Variants in FAM174C observed in about 807,000 individuals in gnomAD.
FAM174C encodes the protein family with sequence similarity 174 member C, also known as protein FAM174C.
A neutral mutation model predicts 12.3 loss-of-function variants in FAM174C; 19 were observed. The observed-to-expected ratio is 1.55, with a 90% CI of 1.08 to 2.27. The LOEUF (loss-of-function observed/expected upper bound fraction) is 2.27, where lower values mean the gene tolerates loss of function less well. Among genes scored for constraint, FAM174C ranks in the 30% most tolerant of loss-of-function variants. The pLI, the probability that FAM174C is intolerant of heterozygous loss-of-function variation, is 0.00. For missense variants in FAM174C, 239 were observed against 190.2 expected (o/e 1.26, Z -1.51); for synonymous variants, 147 against 103.5 (o/e 1.42, Z -2.55).
chr19:1,277,249 CT>C lies in FAM174C; in HGVS notation c.349del (p.Ser117ArgfsTer15). On this transcript the variant is annotated frameshift_variant, in exon 2 of 3. Coordinates refer to ENST00000409293, the MANE Select transcript of FAM174C (RefSeq NM_017914.4). LOFTEE classifies it high-confidence loss of function. ...ACACTGAGGACCCCACGGAGATGGCCTCGCTGGACAGCGACGAGGAGACGGT... is the reference window on the plus strand; with the variant it reads ...ACACTGAGGACCCCACGGAGATGGCCCGCTGGACAGCGACGAGGAGACGGT... ...ANTEDPTEMASLDSDEETVFE... is the reference protein window; with the variant it reads ...ANTEDPTEMAXLDSDEETVFE... 1 of 1,549,724 alleles carries C rather than the reference CT, an allele frequency of 6.5e-7. No individual in the cohort carries two copies.
At position 1,277,251 on chromosome 19, in the gene FAM174C, C is replaced by T. The variant is rs777089956; in HGVS notation, c.350C>T (p.Ser117Leu). ...ANTEDPTEMA[S>L]LDSDEETVFE... ...ACTGAGGACCCCACGGAGATGGCCT[C>T]GCTGGACAGCGACGAGGAGACGGTG... Residue 117 changes from serine to leucine, a missense_variant, in exon 2 of 3, where the codon TCG (serine) becomes TTG (leucine). Physicochemically the swap from Ser to Leu is moderately radical, Grantham distance 145. Transcript: ENST00000409293. 31 of 1,549,512 alleles carry T rather than the reference C, an allele frequency of 2.0e-5. No homozygotes were observed. Among genetic ancestry groups the T allele is most frequent in the Admixed American group, 3.9e-5 (2 of 50,964 alleles).
At chr19:1,278,556 C>G (rs937599197) in intron 2 of FAM174C, among the ~76,000 whole-genome samples, 2 of 152,064 alleles carry the variant, frequency 1.3e-5, no homozygotes, top group Non-Finnish European at 2.9e-5. Flanking sequence ...GGGAACCCCT[C>G]CCAGGTTTCT....
Position 1,278,542 on chromosome 19 carries a change from T to C in FAM174C, c.*-235T>C, listed in dbSNP as rs980784719. On this transcript the variant is annotated intron_variant, in intron 2 of 2. Coordinates refer to ENST00000409293, the MANE Select transcript of FAM174C (RefSeq NM_017914.4). ...GATCCCTCCGCATGCTCTGACTCCA[T>C]TCTGGGAACCCCTCCCAGGTTTCTT... Among the ~76,000 whole-genome samples the C allele has an allele frequency of 6.6e-5, 10 of 152,154 alleles. No individual in the cohort carries two copies. The East Asian group carries it at 1.7e-3, about 26-fold the overall frequency.
rs928411256 is a variant in FAM174C at position 1,275,828 on chromosome 19, T to G, written c.279T>G (p.Phe93Leu). 13 of 1,536,284 alleles carry G rather than the reference T, an allele frequency of 8.5e-6. No homozygotes were observed. The African/African-American group carries it at 1.6e-4, about 19-fold the overall frequency. ...CGCTCTACTTCCTGATCCGGGCGTT[T>G]AGGTGCGTCAGGCGCACGTGGGCGC... Reference protein sequence around the residue: ...LTALYFLIRAFRLKKPQRRRY... With the variant: ...LTALYFLIRALRLKKPQRRRY... The change falls in exon 1 of 3, where the codon TTT (phenylalanine) becomes TTG (leucine). Residue 93 changes from phenylalanine to leucine, a missense_variant and splice_region_variant. Transcript: ENST00000409293.
In FAM174C at chr19:1,277,168, T is replaced by G. The variant is rs780887692; in HGVS notation, c.282-15T>G. ...GCGGGGAGGGGCCACTGACTATGCC[T>G]GGACCTACTTCCAGGTTGAAGAAGC... On this transcript the variant is annotated splice_polypyrimidine_tract_variant and intron_variant, in intron 1 of 2. Transcript: ENST00000409293. 10 of 1,534,918 alleles carry G rather than the reference T, an allele frequency of 6.5e-6. No individual in the cohort carries two copies. The African/African-American group carries it at 1.1e-4, about 17-fold the overall frequency.
chr19:1,276,977 G>T, intron 1 of FAM174C: 1 of 710,846 alleles, frequency 1.4e-6, no homozygotes. Flanking sequence ...GGCCTGGTAG[G>T]GCACATGTCT....
chr19:1,277,622 C>T (rs1462599145), intron 2 of FAM174C, among the ~76,000 whole-genome samples: 1 of 152,150 alleles, frequency 6.6e-6, no homozygotes, highest in African/African-American at 2.4e-5. Flanking sequence ...AGGCACCCGC[C>T]ACCACGCCTC....
At chr19:1,276,989 C>T (rs1052305905) in intron 1 of FAM174C, 194 bp from the exon 2 acceptor site, 3 of 865,326 alleles carry the variant, frequency 3.5e-6, no homozygotes, top group Middle Eastern at 3.5e-4. Flanking sequence ...CACATGTCTT[C>T]TTACTGTCAT....
chr19:1,275,660 C>T lies in FAM174C; in HGVS notation c.111C>T (p.Val37=). 7.0e-7 allele frequency: 1 copy of T among 1,426,646 alleles called. No individual in the cohort carries two copies. The highest frequency in any genetic ancestry group is 3.1e-5 in the Admixed American group (1 of 31,802). The allele number at this position is 1,426,646 out of a possible 1,614,324, so 88.4% of individuals were successfully genotyped here. The part of the protein sequence containing the change: ...EEASPLRPAQ[V]TLSPPPAVTN... ...CCTCGCCGCTGCGCCCCGCGCAGGT[C>T]ACGTTGTCGCCGCCGCCGGCCGTGA... The change falls in exon 1 of 3, where the codon GTC becomes GTT. Residue 37 remains valine, a synonymous_variant. Coordinates refer to ENST00000409293, the MANE Select transcript of FAM174C (RefSeq NM_017914.4).
Position 1,279,076 on chromosome 19 carries a change from C to G in FAM174C, c.*299C>G. ...ACAGCCACCGCCCAGGACGCTGAGG[C>G]TCCCTTGCCTGACTGTGACTTGTGC... On this transcript the variant is annotated 3_prime_UTR_variant, in exon 3 of 3. Transcript: ENST00000409293. 3 of 1,612,466 alleles carry G rather than the reference C, an allele frequency of 1.9e-6. No homozygotes were observed. Among genetic ancestry groups the G allele is most frequent in the Non-Finnish European group, 2.5e-6 (3 of 1,179,992 alleles).
chr19:1,279,079 C>G lies in FAM174C; in HGVS notation c.*302C>G. The G allele has an allele frequency of 6.2e-7, 1 of 1,612,540 alleles. No individual in the cohort carries two copies. The highest frequency in any genetic ancestry group is 2.2e-5 in the East Asian group (1 of 44,894). Reference sequence around the variant, plus strand: ...GCCACCGCCCAGGACGCTGAGGCTCCCTTGCCTGACTGTGACTTGTGCCTC... The same window carrying G: ...GCCACCGCCCAGGACGCTGAGGCTCGCTTGCCTGACTGTGACTTGTGCCTC... On this transcript the variant is annotated 3_prime_UTR_variant, in exon 3 of 3. Coordinates refer to ENST00000409293, the MANE Select transcript of FAM174C (RefSeq NM_017914.4).
intron 1 of FAM174C, chr19:1,276,069 C>G (rs1199789195): frequency 1.9e-6 from 1 of 523,670 alleles, no homozygotes; most frequent in Non-Finnish European, 3.4e-6. Flanking sequence ...AGCGCGCCGC[C>G]TCTTAACTCG....
Position 1,277,414 on chromosome 19 carries a change from C to A in FAM174C, c.398+115C>A, listed in dbSNP as rs529418775. The A allele has an allele frequency of 5.5e-5, 79 of 1,434,076 alleles. No homozygotes were observed. The African/African-American group carries it at 9.4e-4, about 17-fold the overall frequency. 88.8% of individuals were successfully genotyped at this position (1,434,076 alleles called of 1,614,324 possible). A position where few individuals can be genotyped will look rare whatever the true frequency, so the allele number is the denominator to read the frequency against. On this transcript the variant is annotated intron_variant, in intron 2 of 2. Transcript: ENST00000409293. ...TGGTCCCTGCAATCACAGCTGACAG[C>A]GGTAGTCAGGCCATGGCCCCACTGG...
At position 1,275,631 on chromosome 19, in the gene FAM174C, G is replaced by A. The variant is rs917479193; in HGVS notation, c.82G>A (p.Glu28Lys). 2.2e-6 allele frequency: 3 copies of A among 1,364,112 alleles called. No individual in the cohort carries two copies. The highest frequency in any genetic ancestry group is 3.1e-5 in the East Asian group (1 of 32,176). 84.5% of individuals were successfully genotyped at this position (1,364,112 alleles called of 1,614,324 possible). A position where few individuals can be genotyped will look rare whatever the true frequency, so the allele number is the denominator to read the frequency against. Residue 28 changes from glutamate to lysine, a missense_variant, in exon 1 of 3, where the codon GAG (glutamate) becomes AAG (lysine). Coordinates refer to ENST00000409293, the MANE Select transcript of FAM174C (RefSeq NM_017914.4). The part of the protein sequence containing the change: ...LLAALPCGAE[E>K]ASPLRPAQVT... ...GGCGGCGCTGCCGTGCGGTGCCGAA[G>A]AGGCCTCGCCGCTGCGCCCCGCGCA...
chr19:1,275,906 C>T, intron 1 of FAM174C, 76 bp downstream of exon 1: 5 of 1,383,278 alleles, frequency 3.6e-6, no homozygotes, highest in Admixed American at 2.0e-5. Flanking sequence ...CGTGCCGGGC[C>T]GCGGGGTCCT....
At chr19:1,275,897 G>A in intron 1 of FAM174C, 67 bp downstream of exon 1, 1 of 1,442,854 alleles carries the variant, frequency 6.9e-7, no homozygotes. Context: ...AGTGCGTCAC[G>A]TGCCGGGCCG....
chr19:1,275,598 CTGCTGCTGGCGG>C lies in FAM174C; in HGVS notation c.50_61del (p.Leu17_Ala21delinsPro). 2 of 1,249,070 alleles carry C rather than the reference CTGCTGCTGGCGG, an allele frequency of 1.6e-6. No individual in the cohort carries two copies. The highest frequency in any genetic ancestry group is 2.0e-6 in the Non-Finnish European group (2 of 999,616). 77.4% of individuals were successfully genotyped at this position (1,249,070 alleles called of 1,614,324 possible). The stretch of plus-strand genomic sequence containing the variant: ...GCCGCTGCTGCTGCTCCTGCTGGCG[CTGCTGCTGGCGG>C]CGCTGCCGTGCGGTGCCGAAGAGGC... On this transcript the variant is annotated inframe_deletion, in exon 1 of 3. Coordinates refer to ENST00000409293, the MANE Select transcript of FAM174C (RefSeq NM_017914.4).
chr19:1,275,542 G>A lies in FAM174C; in HGVS notation c.-8G>A, dbSNP rs1343117193. On this transcript the variant is annotated 5_prime_UTR_variant, in exon 1 of 3. Coordinates refer to ENST00000409293, the MANE Select transcript of FAM174C (RefSeq NM_017914.4). The stretch of plus-strand genomic sequence containing the variant: ...GGGGCGGGGCGCCGCCACCGCTTCC[G>A]CCGGGCCATGGGGCCGCGCGTGCTG... 8.4e-7 allele frequency: 1 copy of A among 1,189,976 alleles called. No individual in the cohort carries two copies. The highest frequency in any genetic ancestry group is 4.2e-5 in the South Asian group (1 of 23,746). The allele number at this position is 1,189,976 out of a possible 1,614,324, so 73.7% of individuals were successfully genotyped here. A position where few individuals can be genotyped will look rare whatever the true frequency, so the allele number is the denominator to read the frequency against.
rs201546106 is a variant in FAM174C at position 1,279,184 on chromosome 19, C to T, written c.*407C>T. 4.3e-6 allele frequency: 7 copies of T among 1,612,250 alleles called. No individual in the cohort carries two copies. Among genetic ancestry groups the T allele is most frequent in the Non-Finnish European group, 5.9e-6 (7 of 1,179,472 alleles). On this transcript the variant is annotated 3_prime_UTR_variant, in exon 3 of 3. Transcript: ENST00000409293. ...GACCCAAGGAACCTTTCTGGGAACA[C>T]CTTCTCGCCGGGCTGGGAACAATAA... is the stretch of plus-strand genomic sequence containing the variant.
Sources: allele counts gnomAD v4.1 joint callset (sites outside exome capture counted in the v4.1 genomes callset), GRCh38; gene constraint gnomAD v4.1.1; transcripts MANE v1.5; gene names NCBI Gene and HGNC (gene_info 2026-07-23, HGNC 2026-07-21).